Variants in CAMK1D observed in about 807,000 individuals in gnomAD.
CAMK1D encodes calcium/calmodulin-dependent protein kinase type 1D.
CAMK1D carries 9 observed loss-of-function variants against 47.7 expected under a neutral mutation model. That is an observed-to-expected ratio of 0.19 (90% confidence interval 0.11 to 0.33). The LOEUF is 0.33. Among genes scored for constraint, CAMK1D ranks in the 10% least tolerant of loss-of-function variants. The pLI, the probability that CAMK1D is intolerant of heterozygous loss-of-function variation, is 1.00. For synonymous variants in CAMK1D, 184 were observed against 184.9 expected, an observed-to-expected ratio of 0.99 and a Z score of 0.04; for missense variants, 291 against 488.7, an observed-to-expected ratio of 0.60 and a Z score of 3.81.
chr10:12,428,051 G>A (rs1471078759), intron 1 of CAMK1D, among the ~76,000 whole-genome samples: 1 of 151,908 alleles, frequency 6.6e-6, no homozygotes, highest in African/African-American at 2.4e-5. Context: ...TAAGTTCTGG[G>A]ATACATGTGC....
intron 5 of CAMK1D, among the ~76,000 whole-genome samples, chr10:12,777,737 A>G (rs530500035): frequency 6.6e-6 from 1 of 152,266 alleles, no homozygotes; most frequent in Non-Finnish European, 1.5e-5. Flanking sequence ...AAGAAGGTGA[A>G]ACGGGTCTTG....
intron 1 of CAMK1D, among the ~76,000 whole-genome samples, chr10:12,374,385 C>T (rs1256760624): frequency 6.6e-6 from 1 of 152,094 alleles, no homozygotes; most frequent in Non-Finnish European, 1.5e-5. Context: ...TTCCCTGTGT[C>T]CTACCATTCC....
At position 12,387,397 on chromosome 10, in the gene CAMK1D, T is replaced by TTATATATATTTTATATA. The variant is rs1838544991; in HGVS notation, c.92+37488_92+37489insATATATATTTTATATAT. Among the ~76,000 whole-genome samples the TTATATATATTTTATATA allele has an allele frequency of 2.1e-3, 177 of 83,748 alleles. 2 individuals are homozygous for TTATATATATTTTATATA. Among genetic ancestry groups the TTATATATATTTTATATA allele is most frequent in the Non-Finnish European group, 3.4e-3 (143 of 42,566 alleles). The allele number at this position is 83,748 out of a possible 152,430, so 54.9% of individuals were successfully genotyped here. On this transcript the variant is annotated intron_variant, in intron 1 of 10. Transcript: ENST00000619168. The stretch of plus-strand genomic sequence containing the variant: ...TATTATATATTATATATATTATATA[T>TTATATATATTTTATATA]TTTTATATATTATATATATTTTATA...
intron 6 of CAMK1D, among the ~76,000 whole-genome samples, chr10:12,792,007 C>T (rs1432547477): frequency 1.3e-5 from 2 of 152,146 alleles, no homozygotes; most frequent in Admixed American, 1.3e-4. Context: ...TCAATAATAG[C>T]CCTCTAATGG....
rs549149781 is a variant in CAMK1D, at chr10:12,553,124, C to T, written c.93-101C>T. Reference sequence around the variant, plus strand: ...GTAACAGTAATGCTTACAACTGTGCCGTCGTTATTGTTTACTCAAACTTCG... The same window carrying T: ...GTAACAGTAATGCTTACAACTGTGCTGTCGTTATTGTTTACTCAAACTTCG... On this transcript the variant is annotated intron_variant, in intron 1 of 10. Coordinates refer to ENST00000619168, the MANE Select transcript of CAMK1D (RefSeq NM_153498.4). The T allele has an allele frequency of 8.3e-5, 132 of 1,581,944 alleles. 1 individual carries two copies. In the Middle Eastern group the frequency reaches 1.0e-3, roughly 12 times the overall value.
intron 3 of CAMK1D, among the ~76,000 whole-genome samples, chr10:12,757,771 C>T (rs1285091597): frequency 3.3e-5 from 5 of 151,960 alleles, no homozygotes; most frequent in East Asian, 3.9e-4. Flanking sequence ...CTGCCTTCTC[C>T]TTGTGTCCTC....
intron 3 of CAMK1D, among the ~76,000 whole-genome samples, chr10:12,675,637 T>A (rs1238891748): frequency 6.6e-6 from 1 of 152,188 alleles, no homozygotes; most frequent in Non-Finnish European, 1.5e-5. Flanking sequence ...ACATCTTTCT[T>A]CCCCCAGTCC....
At chr10:12,487,138 A>G (rs1834242816) in intron 1 of CAMK1D, among the ~76,000 whole-genome samples, 1 of 152,134 alleles carries the variant, frequency 6.6e-6, no homozygotes, top group Admixed American at 6.5e-5. Context: ...CTAGTAACCA[A>G]TAGTGATTTC....
At chr10:12,820,245 G>A (rs1040980947) in intron 8 of CAMK1D, among the ~76,000 whole-genome samples, 2 of 152,138 alleles carry the variant, frequency 1.3e-5, no homozygotes, top group African/African-American at 4.8e-5. Flanking sequence ...TCACCATGTT[G>A]GCCAGGATGG....
At chr10:12,445,948 GA>G (rs1156414785) in intron 1 of CAMK1D, among the ~76,000 whole-genome samples, 1 of 151,764 alleles carries the variant, frequency 6.6e-6, no homozygotes, top group Non-Finnish European at 1.5e-5. Flanking sequence ...AACAAATTTT[GA>G]AAAAGAATGA....
chr10:12,815,472 A>G (rs140175734), intron 7 of CAMK1D, among the ~76,000 whole-genome samples: 2 of 152,350 alleles, frequency 1.3e-5, no homozygotes, highest in African/African-American at 4.8e-5. Context: ...GGCCTGGAGT[A>G]TAGTTGTACA....
chr10:12,377,119 A>G (rs1482519017), intron 1 of CAMK1D, among the ~76,000 whole-genome samples: 2 of 152,156 alleles, frequency 1.3e-5, no homozygotes, highest in Non-Finnish European at 2.9e-5. Context: ...CTCCTGGCAA[A>G]TGAAGATAAT....
intron 1 of CAMK1D, among the ~76,000 whole-genome samples, chr10:12,521,190 A>G (rs1049507280): frequency 6.6e-6 from 1 of 151,812 alleles, no homozygotes; most frequent in Non-Finnish European, 1.5e-5. Flanking sequence ...TTCTTTTTCT[A>G]GTTTCTTGAA....
At chr10:12,606,691 G>A (rs1169114664) in intron 2 of CAMK1D, among the ~76,000 whole-genome samples, 1 of 152,156 alleles carries the variant, frequency 6.6e-6, no homozygotes, top group African/African-American at 2.4e-5. Context: ...CGGGCACCAC[G>A]CCCAACTCTG....
intron 3 of CAMK1D, among the ~76,000 whole-genome samples, chr10:12,752,030 G>A (rs11257969): frequency 0.15 from 22,124 of 150,826 alleles, 1,738 homozygotes; most frequent in Admixed American, 0.17. Context: ...CACCCGGGCC[G>A]GAGTGCAATG....
intron 2 of CAMK1D, among the ~76,000 whole-genome samples, chr10:12,619,154 T>G (rs1838912519): frequency 6.6e-6 from 1 of 152,248 alleles, no homozygotes; most frequent in South Asian, 2.1e-4. Flanking sequence ...GTCTGCTAAG[T>G]AGTTTAAGTA....
intron 1 of CAMK1D, among the ~76,000 whole-genome samples, chr10:12,541,882 C>CCTTCCTTCCTT (rs1564401128): frequency 7.2e-6 from 1 of 138,298 alleles, no homozygotes; most frequent in Non-Finnish European, 1.6e-5. Flanking sequence ...TTCCTTCCTT[C>CCTTCCTTCCTT]CTTCCTTTTT....
chr10:12,715,983 T>A (rs924997469), intron 3 of CAMK1D, among the ~76,000 whole-genome samples: 13 of 152,250 alleles, frequency 8.5e-5, no homozygotes, highest in African/African-American at 2.9e-4. Flanking sequence ...AGTGCTAGGA[T>A]TACAGGTGTG....
chr10:12,490,862 G>C (rs1420407674), intron 1 of CAMK1D, among the ~76,000 whole-genome samples: 1 of 152,166 alleles, frequency 6.6e-6, no homozygotes, highest in Non-Finnish European at 1.5e-5. Context: ...TAAATACGCT[G>C]ATTTGGTGAT....
Sources: allele counts gnomAD v4.1 joint callset (sites outside exome capture counted in the v4.1 genomes callset), GRCh38; gene constraint gnomAD v4.1.1; transcripts MANE v1.5; gene names NCBI Gene and HGNC (gene_info 2026-07-23, HGNC 2026-07-21).